The following ZNF263 variants were observed in gnomAD, a reference collection of about 807,000 sequenced individuals.
ZNF263 encodes the protein zinc finger protein FPM315.
In ZNF263, 49 loss-of-function variants were observed where a neutral mutation model predicts 63.1. That is an observed-to-expected ratio of 0.78 (90% confidence interval 0.62 to 0.99). The LOEUF is 0.99. Ranked by LOEUF, ZNF263 falls within the 50% of genes least tolerant of loss-of-function variation. The pLI is 0.00. For synonymous variants in ZNF263, 352 were observed against 324.2 expected (o/e 1.09, Z -0.92); for missense variants, 872 against 854.8 (o/e 1.02, Z -0.25).
At position 3,289,751 on chromosome 16, in the gene ZNF263, T is replaced by G. The variant is rs750116677; in HGVS notation, c.1245T>G (p.Phe415Leu). 6.2e-7 allele frequency: 1 copy of G among 1,614,172 alleles called. No homozygotes were observed. The highest frequency in any genetic ancestry group is 1.1e-5 in the South Asian group (1 of 91,086). The change falls in exon 6 of 6, where the codon TTT becomes TTG. Residue 415 changes from phenylalanine (F) to leucine (L), a missense_variant. Physicochemically the swap from Phe to Leu is conservative, Grantham distance 22. Transcript: ENST00000219069. ...LCMGVDCTEI[F>L]GGNPRFLSLH... ...TGGGTGTGGACTGCACTGAAATCTT[T>G]GGTGGGAACCCACGTTTCCTGTCAC...
chr16:3,299,676 T>C, intron 2 of ZNF263: 1 of 1,544,516 alleles, frequency 6.5e-7, no homozygotes, highest in Non-Finnish European at 8.7e-7. Flanking sequence ...TACATTTTAT[T>C]CGACCATCCT....
At chr16:3,296,633 T>G (rs1475216940) in intron 1 of ZNF263, among the ~76,000 whole-genome samples, 1 of 152,214 alleles carries the variant, frequency 6.6e-6, no homozygotes, top group Non-Finnish European at 1.5e-5. Flanking sequence ...GTAAAAAGGA[T>G]GCCCAGTGGC....
At chr16:3,299,495 A>C (rs777055525) in intron 2 of ZNF263, 1 of 1,542,768 alleles carries the variant, frequency 6.5e-7, no homozygotes, top group Non-Finnish European at 8.7e-7. Flanking sequence ...TTTATATTGT[A>C]GATTTTAATT....
In ZNF263 at chr16:3,285,697, G is replaced by T. The variant is rs770138722; in HGVS notation, c.585G>T (p.Trp195Cys). ...AVKERALSAP[W>C]LSLFPPEGNM... ...CACCTTCAGCATTATCTGCTCCCTG[G>T]CTTTCTCTTTTTCCTCCTGAAGGGA... The change falls in exon 3 of 6, where the codon TGG becomes TGT. Residue 195 changes from tryptophan (W) to cysteine (C), a missense_variant. Trp to Cys is a radical substitution (Grantham distance 215). Transcript: ENST00000219069. 1 of 1,614,106 alleles carries T rather than the reference G, an allele frequency of 6.2e-7. No homozygotes were observed. The highest frequency in any genetic ancestry group is 1.7e-5 in the Admixed American group (1 of 60,018).
At chr16:3,284,279 A>G in intron 1 of ZNF263, 74 bp downstream of exon 1, 1 of 1,454,142 alleles carries the variant, frequency 6.9e-7, no homozygotes, top group Admixed American at 2.5e-5. Context: ...CCCCCGGTCG[A>G]ATTCAAGTAA....
rs1488975612 is a variant in ZNF263, at chr16:3,284,037, G to T, written c.219G>T (p.Glu73Asp). ...TTTGCCATGGGTGGCTTCGGCCTGA[G>T]ATGCGCACGAAGGAGCAGATCTTGG... ...QELCHGWLRP[E>D]MRTKEQILEL... The change falls in exon 1 of 6, where the codon GAG becomes GAT. Residue 73 changes from glutamate to aspartate, a missense_variant. Transcript: ENST00000219069. 6.2e-7 allele frequency: 1 copy of T among 1,613,904 alleles called. No homozygotes were observed. Among genetic ancestry groups the T allele is most frequent in the East Asian group, 2.2e-5 (1 of 44,874 alleles).
rs879808251 is a variant in ZNF263, at chr16:3,288,251, C to CA, written c.770-188dup. Among the ~76,000 whole-genome samples, 574 of 98,630 alleles carry CA rather than the reference C, an allele frequency of 5.8e-3. 5 individuals carry two copies. The highest frequency in any genetic ancestry group is 0.048 in the East Asian group (168 of 3,488). 64.7% of individuals were successfully genotyped at this position (98,630 alleles called of 152,430 possible). On this transcript the variant is annotated intron_variant, in intron 4 of 5. Coordinates refer to ENST00000219069, the MANE Select transcript of ZNF263 (RefSeq NM_005741.5). The stretch of plus-strand genomic sequence containing the variant: ...TGGGCGACAGAGTGAGACTCTGTCT[C>CA]AAAAAAAAAAAAAAAGTCTCCCTCC...
In ZNF263 at chr16:3,285,932, GGC is replaced by G. The variant is rs201113750; in HGVS notation, c.643-90_643-89del. ...CCTTCTTCCCCCCTGACATGTGCTT[GGC>G]ATCCCTGGATTTTGCCCCTTTAACC... On this transcript the variant is annotated intron_variant, in intron 3 of 5. Coordinates refer to ENST00000219069, the MANE Select transcript of ZNF263 (RefSeq NM_005741.5). 881 of 1,603,276 alleles carry G rather than the reference GGC, an allele frequency of 5.5e-4. 9 individuals are homozygous for G. The African/African-American group carries it at 8.3e-3, about 15-fold the overall frequency.
chr16:3,284,067 G>C lies in ZNF263; in HGVS notation c.249G>C (p.Leu83=). The change falls in exon 1 of 6, where the codon CTG becomes CTC. Residue 83 remains leucine, a synonymous_variant. Transcript: ENST00000219069. The stretch of plus-strand genomic sequence containing the variant: ...GCACGAAGGAGCAGATCTTGGAGCT[G>C]CTGGTGTTAGAGCAGTTCCTGACCA... ...EMRTKEQILE[L]LVLEQFLTIL... 1 of 1,613,760 alleles carries C rather than the reference G, an allele frequency of 6.2e-7. No homozygotes were observed. Among genetic ancestry groups the C allele is most frequent in the Non-Finnish European group, 8.5e-7 (1 of 1,179,798 alleles).
intron 1 of ZNF263, 28 bp from the exon 2 acceptor site, chr16:3,285,031 A>T (rs1347460093): frequency 6.2e-7 from 1 of 1,612,720 alleles, no homozygotes; most frequent in South Asian, 1.1e-5. Context: ...CCCTGTTGTG[A>T]TGATGAGTGA....
In ZNF263 at chr16:3,289,980, T is replaced by C. The variant is rs201377436; in HGVS notation, c.1474T>C (p.Cys492Arg). ...RTHTGEKPYK[C>R]PECGEIFAHS... ...GCACACTGGGGAGAAGCCCTACAAG[T>C]GCCCTGAGTGTGGGGAGATCTTTGC... Residue 492 changes from cysteine to arginine, a missense_variant, in exon 6 of 6, where the codon TGC (cysteine) becomes CGC (arginine). Physicochemically the swap from Cys to Arg is radical, Grantham distance 180 (BLOSUM62 -3). Transcript: ENST00000219069. 2.4e-5 allele frequency: 38 copies of C among 1,614,016 alleles called. No homozygotes were observed. Among genetic ancestry groups the C allele is most frequent in the Non-Finnish European group, 3.4e-6 (4 of 1,180,036 alleles).
rs958409247 is a variant in ZNF263 at position 3,284,122 on chromosome 16, C to G, written c.304C>G (p.Gln102Glu). ...GCCCCAGGAGATCCAGAGCAGGGTG[C>G]AGGAGCTGCATCCGGAGAGCGGCGA... ...ILPQEIQSRV[Q>E]ELHPESGEEA... The change falls in exon 1 of 6, where the codon CAG becomes GAG. Residue 102 changes from glutamine (Q) to glutamate (E), a missense_variant. Gln to Glu is a conservative substitution (Grantham distance 29, BLOSUM62 2). Coordinates refer to ENST00000219069, the MANE Select transcript of ZNF263 (RefSeq NM_005741.5). 1.9e-6 allele frequency: 3 copies of G among 1,609,328 alleles called. No homozygotes were observed. The African/African-American group carries it at 4.0e-5, about 22-fold the overall frequency.
At chr16:3,300,604 C>G (rs936587674) in intron 2 of ZNF263, 1 of 1,568,796 alleles carries the variant, frequency 6.4e-7, no homozygotes, top group African/African-American at 1.4e-5. Context: ...ATATTTCCCT[C>G]TCTTATTCAT....
chr16:3,290,632 C>G lies in ZNF263; in HGVS notation c.*74C>G. On this transcript the variant is annotated 3_prime_UTR_variant, in exon 6 of 6. Transcript: ENST00000219069. The stretch of plus-strand genomic sequence containing the variant: ...AGCCTGTTGGCAAGAGCTGGTATTC[C>G]CTGCCCAGCCGACCAAATGACCTCT... The G allele has an allele frequency of 6.6e-7, 1 of 1,508,586 alleles. No individual in the cohort carries two copies. The highest frequency in any genetic ancestry group is 8.8e-7 in the Non-Finnish European group (1 of 1,137,102). The allele number at this position is 1,508,586 out of a possible 1,614,324, so 93.5% of individuals were successfully genotyped here. A position where few individuals can be genotyped will look rare whatever the true frequency, so the allele number is the denominator to read the frequency against.
intron 4 of ZNF263, chr16:3,286,376 C>T: frequency 2.0e-6 from 1 of 496,154 alleles, no homozygotes; most frequent in Non-Finnish European, 3.4e-6. Context: ...TAAGGCGAGT[C>T]TGAGCCATGT....
chr16:3,298,698 C>T, intron 1 of ZNF263: 1 of 250,954 alleles, frequency 4.0e-6, no homozygotes, highest in Non-Finnish European at 7.5e-6. Flanking sequence ...TGATTACAAA[C>T]TAATGCTTTT....
chr16:3,285,266 G>A, intron 2 of ZNF263, 27 bp downstream of exon 2: 2 of 1,591,932 alleles, frequency 1.3e-6, no homozygotes, highest in South Asian at 1.1e-5. Flanking sequence ...TGGGCAGGTG[G>A]GAGGGAGGAG....
rs1464881857 is a variant in ZNF263 at position 3,290,985 on chromosome 16, A to G, written c.*427A>G. 1 of 1,000,104 alleles carries G rather than the reference A, an allele frequency of 1.0e-6. No homozygotes were observed. The highest frequency in any genetic ancestry group is 1.0e-4 in the East Asian group (1 of 9,576). 62.0% of individuals were successfully genotyped at this position (1,000,104 alleles called of 1,614,324 possible). A position where few individuals can be genotyped will look rare whatever the true frequency, so the allele number is the denominator to read the frequency against. ...TCCGGGGCCCCTGAGACCAAAGAAG[A>G]GGGGCCAAGTACCCTGGGAAATCAG... On this transcript the variant is annotated 3_prime_UTR_variant, in exon 6 of 6. Coordinates refer to ENST00000219069, the MANE Select transcript of ZNF263 (RefSeq NM_005741.5).
At chr16:3,286,259 A>G in intron 4 of ZNF263, 110 bp downstream of exon 4, 2 of 1,443,044 alleles carry the variant, frequency 1.4e-6, no homozygotes, top group Non-Finnish European at 9.2e-7. Flanking sequence ...AGAAGCCTCC[A>G]CAGGAGACTT....
Sources: allele counts gnomAD v4.1 joint callset (sites outside exome capture counted in the v4.1 genomes callset), GRCh38; gene constraint gnomAD v4.1.1; transcripts MANE v1.5; gene names NCBI Gene and HGNC (gene_info 2026-07-23, HGNC 2026-07-21).